The following ZWILCH variants were observed in gnomAD, a reference collection of about 807,000 sequenced individuals.
ZWILCH encodes protein zwilch homolog.
In ZWILCH, 74 loss-of-function variants were observed where a neutral mutation model predicts 79.9. The observed-to-expected ratio is 0.93, with a 90% CI of 0.77 to 1.12. The LOEUF (loss-of-function observed/expected upper bound fraction) is 1.12. Ranked by LOEUF, ZWILCH falls within the 50% of genes most tolerant of loss-of-function variation. ZWILCH has a pLI of 0.00. For missense variants in ZWILCH, 694 were observed against 687.5 expected, an observed-to-expected ratio of 1.01 and a Z score of -0.11; for synonymous variants, 241 against 228.2, an observed-to-expected ratio of 1.06 and a Z score of -0.51.
intron 10 of ZWILCH, 152 bp from the exon 11 acceptor site, chr15:66,528,700 A>C (rs1894759610): frequency 5.1e-6 from 3 of 583,216 alleles, no homozygotes. Context: ...GTTGATTTGT[A>C]TCTCCTCATT....
chr15:66,526,739 G>GGT (rs1386676020), intron 8 of ZWILCH, among the ~76,000 whole-genome samples: 1 of 152,048 alleles, frequency 6.6e-6, no homozygotes, highest in Non-Finnish European at 1.5e-5. Flanking sequence ...TGGGATTACA[G>GGT]GTGTGAGCCA....
At chr15:66,533,093 T>C in intron 14 of ZWILCH, 80 bp downstream of exon 14, 2 of 920,904 alleles carry the variant, frequency 2.2e-6, no homozygotes, top group South Asian at 1.8e-5. Flanking sequence ...GCCAATAATA[T>C]GCTAGCCACT....
At chr15:66,527,218 A>G (rs1894702569) in intron 8 of ZWILCH, 72 bp from the exon 9 acceptor site, 1 of 1,033,468 alleles carries the variant, frequency 9.7e-7, no homozygotes, top group African/African-American at 1.6e-5. Context: ...TAATATTATT[A>G]TTACATACAT....
chr15:66,531,984 T>C (rs1338619817), intron 12 of ZWILCH, among the ~76,000 whole-genome samples: 1 of 152,134 alleles, frequency 6.6e-6, no homozygotes, highest in Non-Finnish European at 1.5e-5. Flanking sequence ...GGAGAATTGC[T>C]TGAACCTGGG....
chr15:66,532,422 T>C lies in ZWILCH; in HGVS notation c.1312+19T>C, dbSNP rs764248566. On this transcript the variant is annotated intron_variant, in intron 13 of 18. Transcript: ENST00000307897. ...TTCATAGGTAAGTATCTTTCCTGGCTCAAAAAATTAAAAAACACATCACAG... is the reference window on the plus strand; with the variant it reads ...TTCATAGGTAAGTATCTTTCCTGGCCCAAAAAATTAAAAAACACATCACAG... 1 of 1,581,634 alleles carries C rather than the reference T, an allele frequency of 6.3e-7. No individual in the cohort carries two copies.
At chr15:66,544,724 T>TTTTTTGTGTGTGTGTGTGTGTGTGTG (rs145952622) in intron 17 of ZWILCH, among the ~76,000 whole-genome samples, 1 of 128,490 alleles carries the variant, frequency 7.8e-6, no homozygotes. Context: ...TTTTTGGTTT[T>TTTTTTGTGTGTGTGTGTGTGTGTGTG]TGTGTGTGTG....
rs1310643424 is a variant in ZWILCH, at chr15:66,527,283, C to G, written c.820-7C>G. 1.2e-6 allele frequency: 2 copies of G among 1,612,366 alleles called. No individual in the cohort carries two copies. The highest frequency in any genetic ancestry group is 2.7e-5 in the African/African-American group (2 of 74,834). ...ACAAGTTTTTGGGGTTTTTAAATCT[C>G]CTGTAGGTTTTGGCTGATGGTTTGA... On this transcript the variant is annotated splice_region_variant and splice_polypyrimidine_tract_variant and intron_variant, in intron 8 of 18. Transcript: ENST00000307897.
chr15:66,508,148 T>G (rs1893898171), intron 1 of ZWILCH, among the ~76,000 whole-genome samples: 1 of 152,220 alleles, frequency 6.6e-6, no homozygotes, highest in African/African-American at 2.4e-5. Context: ...TTGGGTTCCT[T>G]CAATGACTAA....
At chr15:66,545,630 C>G (rs1394751856) in intron 17 of ZWILCH, among the ~76,000 whole-genome samples, 1 of 152,166 alleles carries the variant, frequency 6.6e-6, no homozygotes, top group African/African-American at 2.4e-5. Context: ...GGAACACACT[C>G]AAACTCCATT....
rs757675757 is a variant in ZWILCH, at chr15:66,519,030, A to G, written c.472A>G (p.Thr158Ala). ...TTGGCTAGGAGCTGAGCTTATCACA[A>G]CAAACAACAGCATTACAGGAATTGT... is the stretch of plus-strand genomic sequence containing the variant. ...TCWLGAELIT[T>A]NNSITGIVLY... Residue 158 changes from threonine (T) to alanine (A), a missense_variant, in exon 5 of 19, where the codon ACA becomes GCA. Transcript: ENST00000307897. 1.9e-6 allele frequency: 3 copies of G among 1,614,242 alleles called. No individual in the cohort carries two copies. The highest frequency in any genetic ancestry group is 1.1e-5 in the South Asian group (1 of 91,090).
chr15:66,512,163 A>G (rs1595903826), intron 2 of ZWILCH, among the ~76,000 whole-genome samples: 1 of 152,230 alleles, frequency 6.6e-6, no homozygotes, highest in Admixed American at 6.5e-5. Context: ...GCCAAAGAAC[A>G]TTGAATGACA....
intron 12 of ZWILCH, among the ~76,000 whole-genome samples, chr15:66,531,145 C>A (rs886161463): frequency 6.6e-6 from 1 of 152,180 alleles, no homozygotes; most frequent in Non-Finnish European, 1.5e-5. Flanking sequence ...AAACTCACAG[C>A]TCTTTTTAAT....
At chr15:66,546,073 T>G (rs967376145) in intron 17 of ZWILCH, among the ~76,000 whole-genome samples, 11 of 152,222 alleles carry the variant, frequency 7.2e-5, no homozygotes, top group African/African-American at 2.6e-4. Context: ...CAGTGGGTGC[T>G]CAGTAAATGA....
At position 66,509,884 on chromosome 15, in the gene ZWILCH, A is replaced by G. The variant is rs938603327; in HGVS notation, c.105+992A>G. 1.5e-4 allele frequency among the ~76,000 whole-genome samples: 18 copies of G among 120,872 alleles called. 2 individuals are homozygous for G. In the East Asian group the frequency reaches 2.5e-3, roughly 17 times the overall value. 79.3% of individuals were successfully genotyped at this position (120,872 alleles called of 152,430 possible). ...ATATATATATATCTCTTAAAAATCA[A>G]TGAGGAAGATGGCTGGGCACGATGG... On this transcript the variant is annotated intron_variant, in intron 2 of 18. Coordinates refer to ENST00000307897, the MANE Select transcript of ZWILCH (RefSeq NM_017975.5).
At chr15:66,544,909 A>G (rs1393198844) in intron 17 of ZWILCH, among the ~76,000 whole-genome samples, 2 of 151,002 alleles carry the variant, frequency 1.3e-5, no homozygotes, top group East Asian at 4.0e-4. Context: ...ACGCCTGGCT[A>G]ATTTTTGTAT....
Position 66,528,954 on chromosome 15 carries a change from A to T in ZWILCH, c.1072A>T (p.Ser358Cys). Reference protein sequence around the residue: ...FAEQLWCKMSSSVISYQDLVK... With the variant: ...FAEQLWCKMSCSVISYQDLVK... ...TGAGCAACTGTGGTGCAAAATGAGC[A>T]GTAGTAGGTGTCCATCATGATTTAA... Residue 358 changes from serine (S) to cysteine (C), a missense_variant, in exon 11 of 19, where the codon AGT becomes TGT. Ser to Cys is a moderately radical substitution (Grantham distance 112, BLOSUM62 -1). Transcript: ENST00000307897. The T allele has an allele frequency of 6.2e-7, 1 of 1,611,418 alleles. No individual in the cohort carries two copies. The highest frequency in any genetic ancestry group is 2.2e-5 in the East Asian group (1 of 44,866).
Position 66,548,480 on chromosome 15 carries a change from T to TAAA in ZWILCH, c.*158_*159insAAA. On this transcript the variant is annotated 3_prime_UTR_variant, in exon 19 of 19. Coordinates refer to ENST00000307897, the MANE Select transcript of ZWILCH (RefSeq NM_017975.5). ...TTCTCTTATGAAGCTCCAAAATTGA[T>TAAA]AATCCTGTCTCAGCTCTGCCTCCTC... 6.7e-7 allele frequency: 1 copy of TAAA among 1,494,354 alleles called. No individual in the cohort carries two copies. The allele number at this position is 1,494,354 out of a possible 1,614,324, so 92.6% of individuals were successfully genotyped here.
At chr15:66,522,307 G>T (rs1051615058) in intron 7 of ZWILCH, among the ~76,000 whole-genome samples, 1 of 151,710 alleles carries the variant, frequency 6.6e-6, no homozygotes, top group African/African-American at 2.4e-5. Flanking sequence ...TGTTCAGTAG[G>T]GAATAGTTGA....
In ZWILCH at chr15:66,548,759, A is replaced by ATT; in HGVS notation, c.*435_*436insTT. On this transcript the variant is annotated 3_prime_UTR_variant, in exon 19 of 19. Transcript: ENST00000307897. The stretch of plus-strand genomic sequence containing the variant: ...TATTTGCCATGAAATAGAACTTAGT[A>ATT]AATTAAATGTTATTTGAAAATGTTA... 1 of 462,088 alleles carries ATT rather than the reference A, an allele frequency of 2.2e-6. No homozygotes were observed. The highest frequency in any genetic ancestry group is 3.5e-5 in the Admixed American group (1 of 28,542). 28.6% of individuals were successfully genotyped at this position (462,088 alleles called of 1,614,324 possible). A position where few individuals can be genotyped will look rare whatever the true frequency, so the allele number is the denominator to read the frequency against.
Sources: allele counts gnomAD v4.1 joint callset (sites outside exome capture counted in the v4.1 genomes callset), GRCh38; gene constraint gnomAD v4.1.1; transcripts MANE v1.5; gene names NCBI Gene and HGNC (gene_info 2026-07-23, HGNC 2026-07-21).